Variants in LARS2 observed in about 807,000 individuals in gnomAD.
LARS2 encodes the protein leucine--tRNA ligase, mitochondrial.
Under a neutral mutation model 116.6 loss-of-function variants are expected in LARS2, and 81 were observed. The observed-to-expected ratio is 0.69, with a 90% confidence interval of 0.58 to 0.84. The LOEUF (loss-of-function observed/expected upper bound fraction) is 0.84. Ranked by LOEUF, LARS2 falls within the 40% of genes least tolerant of loss-of-function variation. LARS2 has a pLI of 0.00. For missense variants in LARS2, 968 were observed against 1,114.5 expected, an observed-to-expected ratio of 0.87 and a Z score of 1.87; for synonymous variants, 396 against 407.2, an observed-to-expected ratio of 0.97 and a Z score of 0.33.
chr3:45,516,210 G>A lies in LARS2; in HGVS notation c.1978G>A (p.Asp660Asn), dbSNP rs2125753190. Reference protein sequence around the residue: ...PEEVVEQYGIDTIRLYILFAA... With the variant: ...PEEVVEQYGINTIRLYILFAA... ...GGAAGTTGTGGAGCAGTATGGGATC[G>A]ACACGATTCGGCTCTACATCCTTTT... The change falls in exon 17 of 22, where the codon GAC (aspartate) becomes AAC (asparagine). Residue 660 changes from aspartate (D) to asparagine (N), a missense_variant. Asp to Asn is a conservative substitution (Grantham distance 23). Coordinates refer to ENST00000645846, the MANE Select transcript of LARS2 (RefSeq NM_015340.4). 2 of 1,614,188 alleles carry A rather than the reference G, an allele frequency of 1.2e-6. No individual in the cohort carries two copies. The highest frequency in any genetic ancestry group is 1.1e-5 in the South Asian group (1 of 91,074).
At chr3:45,525,438 A>T (rs1700518196) in intron 20 of LARS2, among the ~76,000 whole-genome samples, 1 of 152,232 alleles carries the variant, frequency 6.6e-6, no homozygotes, top group South Asian at 2.1e-4. Context: ...CATCAACCAA[A>T]AAAGTGGAAA....
At chr3:45,471,237 G>T (rs1302932053) in intron 8 of LARS2, among the ~76,000 whole-genome samples, 2 of 152,128 alleles carry the variant, frequency 1.3e-5, no homozygotes, top group Non-Finnish European at 2.9e-5. Context: ...CTGAAGCCCT[G>T]TTCATCAGAA....
chr3:45,547,401 G>GGACCA lies in LARS2; in HGVS notation c.2585_2589dup (p.Asp864ThrfsTer82), dbSNP rs770433653. On this transcript the variant is annotated frameshift_variant, in exon 22 of 22. Transcript: ENST00000645846. LOFTEE classifies it high-confidence loss of function. ...TTCCTGTGCCCCAACAAGTTGCCCG[G>GGACCA]GACCAGGACAAAGTCCACGAATTTG... 3 of 1,613,124 alleles carry GGACCA rather than the reference G, an allele frequency of 1.9e-6. No homozygotes were observed. In the East Asian group the frequency reaches 6.7e-5, roughly 36 times the overall value.
intron 15 of LARS2, 101 bp downstream of exon 15, chr3:45,500,680 T>C (rs1700103117): frequency 5.8e-6 from 5 of 860,762 alleles, no homozygotes; most frequent in South Asian, 5.8e-5. Flanking sequence ...TGTAGTAGAA[T>C]ACTAGTTTTC....
intron 6 of LARS2, among the ~76,000 whole-genome samples, chr3:45,431,953 G>A (rs1472848939): frequency 2.0e-5 from 3 of 152,060 alleles, no homozygotes; most frequent in African/African-American, 7.2e-5. Context: ...CAAATAAGCT[G>A]AAAGTGAAAG....
At chr3:45,517,786 C>T (rs1700391444) in intron 17 of LARS2, 117 bp from the exon 18 acceptor site, 1 of 751,146 alleles carries the variant, frequency 1.3e-6, no homozygotes, top group Non-Finnish European at 2.2e-6. Context: ...AGGAATCCAT[C>T]AGGGTGCAGT....
intron 8 of LARS2, among the ~76,000 whole-genome samples, chr3:45,461,514 A>G (rs1310660361): frequency 6.6e-6 from 1 of 152,146 alleles, no homozygotes; most frequent in African/African-American, 2.4e-5. Context: ...TTTAGGTCTT[A>G]AGGAATTTGC....
intron 20 of LARS2, among the ~76,000 whole-genome samples, chr3:45,531,720 G>A (rs776953629): frequency 1.1e-4 from 17 of 152,124 alleles, no homozygotes; most frequent in Non-Finnish European, 2.5e-4. Context: ...GAGAAAAATT[G>A]CATATATTTA....
At chr3:45,522,547 A>G (rs766049535) in intron 19 of LARS2, among the ~76,000 whole-genome samples, 1 of 152,222 alleles carries the variant, frequency 6.6e-6, no homozygotes, top group Non-Finnish European at 1.5e-5. Flanking sequence ...CCTGCTCAAC[A>G]TGGTGAAACC....
chr3:45,495,242 A>G (rs936659261), intron 13 of LARS2: 1 of 152,176 alleles, frequency 6.6e-6, no homozygotes, highest in African/African-American at 2.4e-5. Flanking sequence ...TAAGGAACCT[A>G]CCTTTAGGCA....
In LARS2 at chr3:45,518,031, G is replaced by T. The variant is rs757539328; in HGVS notation, c.2173G>T (p.Ala725Ser). 1 of 1,613,774 alleles carries T rather than the reference G, an allele frequency of 6.2e-7. No homozygotes were observed. The change falls in exon 18 of 22, where the codon GCC (alanine) becomes TCC (serine). Residue 725 changes from alanine (A) to serine (S), a missense_variant. Physicochemically the swap from Ala to Ser is moderately conservative, Grantham distance 99 (BLOSUM62 1). Coordinates refer to ENST00000645846, the MANE Select transcript of LARS2 (RefSeq NM_015340.4). ...GCTGAGTAACAAGGAGAAAGCTGAG[G>T]CCAGGAAGCTCTGGGAGTACAAGAA... ...QLLSNKEKAE[A>S]RKLWEYKNSV... is the part of the protein sequence containing the mutation.
intron 6 of LARS2, among the ~76,000 whole-genome samples, chr3:45,431,472 G>GT (rs1015118538): frequency 1.8e-4 from 27 of 152,234 alleles, no homozygotes; most frequent in African/African-American, 6.3e-4. Flanking sequence ...ATTACTTTAT[G>GT]TTTTTTGATA....
Position 45,415,893 on chromosome 3 carries a change from G to GGGA in LARS2, c.364-1588_364-1587insGAG, listed in dbSNP as rs1559461402. 1.0e-4 allele frequency among the ~76,000 whole-genome samples: 7 copies of GGGA among 69,848 alleles called. 1 individual carries two copies. Among genetic ancestry groups the GGGA allele is most frequent in the African/African-American group, 1.9e-4 (2 of 10,518 alleles). The allele number at this position is 69,848 out of a possible 152,430, so 45.8% of individuals were successfully genotyped here. A position where few individuals can be genotyped will look rare whatever the true frequency, so the allele number is the denominator to read the frequency against. ...TATATATATAGAGAGAGAGAGAGAGGGAGAGAGAGAGAGAGAGAGAGAGAG... is the reference window on the plus strand; with the variant it reads ...TATATATATAGAGAGAGAGAGAGAGGGGAGAGAGAGAGAGAGAGAGAGAGAGAG... On this transcript the variant is annotated intron_variant, in intron 4 of 21. Transcript: ENST00000645846.
chr3:45,467,480 T>C (rs1228416666), intron 8 of LARS2, among the ~76,000 whole-genome samples: 1 of 152,188 alleles, frequency 6.6e-6, no homozygotes, highest in African/African-American at 2.4e-5. Flanking sequence ...TAAAAGAGTA[T>C]ATTAACAACA....
intron 8 of LARS2, among the ~76,000 whole-genome samples, chr3:45,470,429 CTGGCTCATCT>C (rs1699501291): frequency 6.6e-6 from 1 of 152,206 alleles, no homozygotes; most frequent in Admixed American, 6.5e-5. Flanking sequence ...TTCTTAAACA[CTGGCTCATCT>C]TGACTCATGA....
chr3:45,500,593 C>G lies in LARS2; in HGVS notation c.1760+14C>G. The G allele has an allele frequency of 6.6e-7, 1 of 1,520,702 alleles. No individual in the cohort carries two copies. The highest frequency in any genetic ancestry group is 8.8e-7 in the Non-Finnish European group (1 of 1,140,008). 94.2% of individuals were successfully genotyped at this position (1,520,702 alleles called of 1,614,324 possible). ...GGTTAAACATAGGTAAGCACTTATA[C>G]TGCTTTGCAAAATAATTGAGTTCCA... On this transcript the variant is annotated intron_variant, in intron 15 of 21. Coordinates refer to ENST00000645846, the MANE Select transcript of LARS2 (RefSeq NM_015340.4).
At chr3:45,409,589 G>C (rs1240107929) in intron 4 of LARS2, among the ~76,000 whole-genome samples, 1 of 152,178 alleles carries the variant, frequency 6.6e-6, no homozygotes, top group Non-Finnish European at 1.5e-5. Flanking sequence ...TCCTGTTGTA[G>C]GTCTTCACTT....
intron 5 of LARS2, among the ~76,000 whole-genome samples, chr3:45,417,808 A>G (rs1303195639): frequency 1.3e-5 from 2 of 152,188 alleles, no homozygotes; most frequent in Non-Finnish European, 2.9e-5. Flanking sequence ...TTTGTTATTT[A>G]CAGTTATTTT....
At chr3:45,491,078 T>C (rs998377676) in intron 12 of LARS2, among the ~76,000 whole-genome samples, 2 of 152,216 alleles carry the variant, frequency 1.3e-5, no homozygotes, top group Non-Finnish European at 2.9e-5. Flanking sequence ...AGTTCTGTAC[T>C]GGCAGCTAAA....
Sources: allele counts gnomAD v4.1 joint callset (sites outside exome capture counted in the v4.1 genomes callset), GRCh38; gene constraint gnomAD v4.1.1; transcripts MANE v1.5; gene names NCBI Gene and HGNC (gene_info 2026-07-23, HGNC 2026-07-21).